The following MICU1 variants were observed in gnomAD, a reference collection of about 807,000 sequenced individuals.
The protein encoded by MICU1 is mitochondrial calcium uptake 1.
A neutral mutation model predicts 56.8 loss-of-function variants in MICU1; 45 were observed. The ratio of observed to expected loss-of-function variants is 0.79; its 90% CI spans 0.62 to 1.02. The LOEUF (loss-of-function observed/expected upper bound fraction) is 1.02. MICU1 is among the 50% of genes least tolerant of loss of function. The pLI, the probability that MICU1 is intolerant of heterozygous loss-of-function variation, is 0.00. For synonymous variants in MICU1, 186 were observed against 195.1 expected (o/e 0.95, Z 0.39); for missense variants, 504 against 587.1 (o/e 0.86, Z 1.46).
intron 4 of MICU1, among the ~76,000 whole-genome samples, chr10:72,545,633 C>A (rs1839876970): frequency 6.6e-6 from 1 of 152,130 alleles, no homozygotes; most frequent in Admixed American, 6.5e-5. Flanking sequence ...TAAATAAAGT[C>A]TCATAGGTGG....
chr10:72,541,844 T>C (rs1307141649), intron 4 of MICU1, among the ~76,000 whole-genome samples: 1 of 152,220 alleles, frequency 6.6e-6, no homozygotes, highest in Non-Finnish European at 1.5e-5. Flanking sequence ...ATGTTTGTTA[T>C]GCCACTGACA....
chr10:72,472,002 A>G (rs1339408034), intron 8 of MICU1, among the ~76,000 whole-genome samples: 1 of 152,154 alleles, frequency 6.6e-6, no homozygotes, highest in Non-Finnish European at 1.5e-5. Context: ...AATATAAATC[A>G]GTGAACAAAA....
intron 1 of MICU1, among the ~76,000 whole-genome samples, chr10:72,586,015 T>TTC (rs1223221800): frequency 1.6e-5 from 2 of 124,344 alleles, no homozygotes; most frequent in African/African-American, 5.8e-5. Flanking sequence ...TTTTTTTTCT[T>TTC]TTTTTTTTTT....
At chr10:72,580,255 G>T (rs1257285270) in intron 1 of MICU1, among the ~76,000 whole-genome samples, 1 of 152,044 alleles carries the variant, frequency 6.6e-6, no homozygotes, top group Non-Finnish European at 1.5e-5. Context: ...GTCTAGGTAT[G>T]ATGTAATTAA....
rs898304122 is a variant in MICU1, at chr10:72,499,421, T to C, written c.652+8734A>G. Among the ~76,000 whole-genome samples the C allele has an allele frequency of 9.2e-5, 14 of 152,302 alleles. No individual in the cohort carries two copies. In the East Asian group the frequency reaches 2.3e-3, roughly 25 times the overall value. On this transcript the variant is annotated intron_variant, in intron 6 of 11. Coordinates refer to ENST00000361114, the MANE Select transcript of MICU1 (RefSeq NM_001195518.2). ...AGAAGCTGCATTATCATAAAACCAA[T>C]GAATTAACCACAAAAACAGGTTATG...
At chr10:72,405,204 T>C (rs945651171) in intron 10 of MICU1, among the ~76,000 whole-genome samples, 2 of 151,920 alleles carry the variant, frequency 1.3e-5, no homozygotes, top group African/African-American at 2.4e-5. Flanking sequence ...CCACCATGCC[T>C]GGCCTATTTA....
At chr10:72,477,955 G>A (rs1866174529) in intron 6 of MICU1, among the ~76,000 whole-genome samples, 2 of 150,132 alleles carry the variant, frequency 1.3e-5, no homozygotes, top group African/African-American at 2.5e-5. Flanking sequence ...TGCAACCTCC[G>A]CCTCCAGGGT....
Position 72,506,619 on chromosome 10 carries a change from TC to T in MICU1, c.652+1535del, listed in dbSNP as rs151019220. ...AAAAAAATAAAAACCAAGACAGATT[TC>T]CACTAAATATTAGGCACTAAACTAT... On this transcript the variant is annotated intron_variant, in intron 6 of 11. Coordinates refer to ENST00000361114, the MANE Select transcript of MICU1 (RefSeq NM_001195518.2). 6.8e-3 allele frequency among the ~76,000 whole-genome samples: 1,035 copies of T among 152,296 alleles called. 12 individuals carry two copies. The highest frequency in any genetic ancestry group is 0.023 in the African/African-American group (974 of 41,562).
intron 10 of MICU1, among the ~76,000 whole-genome samples, chr10:72,383,132 G>A (rs1862772729): frequency 6.6e-6 from 1 of 151,540 alleles, no homozygotes; most frequent in African/African-American, 2.4e-5. Flanking sequence ...TGCAGTCCTA[G>A]CTACTTGGGA....
chr10:72,405,259 G>A (rs935701217), intron 10 of MICU1, among the ~76,000 whole-genome samples: 3 of 150,328 alleles, frequency 2.0e-5, no homozygotes, highest in African/African-American at 2.5e-5. Flanking sequence ...CGCTCTTGTC[G>A]CCCAGAATGG....
At chr10:72,574,950 A>G (rs1169275265) in intron 1 of MICU1, among the ~76,000 whole-genome samples, 1 of 152,214 alleles carries the variant, frequency 6.6e-6, no homozygotes, top group African/African-American at 2.4e-5. Context: ...GTTTATTACT[A>G]GTTGTAAAGA....
At chr10:72,604,268 G>GC (rs1362515839) in intron 1 of MICU1, among the ~76,000 whole-genome samples, 1 of 143,588 alleles carries the variant, frequency 7.0e-6, no homozygotes, top group Non-Finnish European at 1.5e-5. Flanking sequence ...ATACTTTCCT[G>GC]CCCTTTTTTT....
intron 8 of MICU1, among the ~76,000 whole-genome samples, chr10:72,461,593 A>G (rs1259647290): frequency 2.6e-5 from 4 of 152,210 alleles, no homozygotes; most frequent in Non-Finnish European, 5.9e-5. Flanking sequence ...TGTTTTTCTC[A>G]TCTTTGTATC....
chr10:72,423,840 A>T (rs1447952542), intron 8 of MICU1, among the ~76,000 whole-genome samples: 2 of 152,214 alleles, frequency 1.3e-5, no homozygotes, highest in African/African-American at 2.4e-5. Context: ...AAGGTCTGAG[A>T]GCATAATTTT....
intron 1 of MICU1, among the ~76,000 whole-genome samples, chr10:72,618,522 T>A (rs1166461285): frequency 6.6e-6 from 1 of 152,226 alleles, no homozygotes; most frequent in East Asian, 1.9e-4. Flanking sequence ...ATTTAAATGC[T>A]ATTACAGGTC....
chr10:72,622,853 A>G (rs74148040), intron 1 of MICU1, among the ~76,000 whole-genome samples: 5,868 of 152,310 alleles, frequency 0.039, 392 homozygotes, highest in African/African-American at 0.13. Flanking sequence ...TCATATTTCA[A>G]TATCTTAAAA....
intron 11 of MICU1, among the ~76,000 whole-genome samples, chr10:72,370,769 G>A (rs1317188429): frequency 2.6e-5 from 4 of 152,152 alleles, no homozygotes; most frequent in African/African-American, 7.2e-5. Flanking sequence ...AGTGAGTCAC[G>A]CTTGTAATCA....
intron 5 of MICU1, among the ~76,000 whole-genome samples, chr10:72,529,678 GA>G (rs931263117): frequency 1.3e-5 from 2 of 151,958 alleles, no homozygotes; most frequent in Admixed American, 6.6e-5. Context: ...GGAAAATAAA[GA>G]AGGCTACAAA....
intron 2 of MICU1, among the ~76,000 whole-genome samples, chr10:72,566,417 C>T (rs1193836862): frequency 6.6e-6 from 1 of 152,178 alleles, no homozygotes; most frequent in East Asian, 1.9e-4. Context: ...GCAGAGGAGA[C>T]AGGCAGACCT....
Sources: gnomAD v4.1 joint callset for allele counts (sites outside exome capture counted in the v4.1 genomes callset) on GRCh38, gnomAD v4.1.1 for gene constraint, MANE v1.5 for transcripts, NCBI Gene and HGNC (gene_info 2026-07-23, HGNC 2026-07-21) for gene names.